Variants in HS6ST3 observed in about 807,000 individuals in gnomAD.
HS6ST3 encodes the protein heparan-sulfate 6-O-sulfotransferase 3.
In HS6ST3, 12 loss-of-function variants were observed where a neutral mutation model predicts 36.7. That is an observed-to-expected ratio of 0.33 (90% confidence interval 0.21 to 0.53). The LOEUF is 0.53. HS6ST3 is among the 20% of genes least tolerant of loss of function. The probability of loss-of-function intolerance (pLI) is 0.95; values close to 1 mark genes in which losing one functional copy is unlikely to be tolerated. For missense variants in HS6ST3, 584 were observed against 640.9 expected (o/e 0.91, Z 0.96); for synonymous variants, 240 against 257.5 (o/e 0.93, Z 0.65).
chr13:96,233,316 A>G (rs908217683), intron 1 of HS6ST3, among the ~76,000 whole-genome samples: 3 of 152,154 alleles, frequency 2.0e-5, no homozygotes, highest in Non-Finnish European at 4.4e-5. Flanking sequence ...AAGTCTTGTC[A>G]TGGCTATGGA....
intron 1 of HS6ST3, among the ~76,000 whole-genome samples, chr13:96,348,952 C>A (rs535538980): frequency 6.6e-6 from 1 of 152,170 alleles, no homozygotes; most frequent in Admixed American, 6.5e-5. Context: ...GTGCAGACAA[C>A]CAATAGGGAA....
chr13:96,248,205 C>T (rs549627896), intron 1 of HS6ST3, among the ~76,000 whole-genome samples: 1 of 152,292 alleles, frequency 6.6e-6, no homozygotes, highest in Non-Finnish European at 1.5e-5. Flanking sequence ...CCTGTACCAA[C>T]AAAAACCTTT....
intron 1 of HS6ST3, among the ~76,000 whole-genome samples, chr13:96,531,159 A>G (rs2056134008): frequency 6.6e-6 from 1 of 152,154 alleles, no homozygotes; most frequent in African/African-American, 2.4e-5. Context: ...TTGTGCTAAT[A>G]ATTCTTCTAA....
chr13:96,670,264 T>C (rs1214329070), intron 1 of HS6ST3, among the ~76,000 whole-genome samples: 2 of 151,810 alleles, frequency 1.3e-5, no homozygotes, highest in African/African-American at 4.8e-5. Flanking sequence ...GAGAGGAGGT[T>C]CTCACTGGCC....
At chr13:96,236,482 C>G (rs77736095) in intron 1 of HS6ST3, among the ~76,000 whole-genome samples, 1,753 of 152,262 alleles carry the variant, frequency 0.012, 36 homozygotes, top group African/African-American at 0.041. Flanking sequence ...CTCTGCCACT[C>G]TCTCTTCACT....
chr13:96,712,237 A>G (rs1478126560), intron 1 of HS6ST3, among the ~76,000 whole-genome samples: 2 of 152,208 alleles, frequency 1.3e-5, no homozygotes, highest in Non-Finnish European at 2.9e-5. Flanking sequence ...GTTGAATCAA[A>G]TGGAGGTGAA....
intron 1 of HS6ST3, among the ~76,000 whole-genome samples, chr13:96,422,177 G>C (rs948527430): frequency 6.6e-6 from 1 of 152,280 alleles, no homozygotes; most frequent in African/African-American, 2.4e-5. Context: ...AGTCTGTCCT[G>C]GCCAGACTGC....
At chr13:96,759,614 A>G (rs1289117131) in intron 1 of HS6ST3, among the ~76,000 whole-genome samples, 1 of 151,920 alleles carries the variant, frequency 6.6e-6, no homozygotes, top group Non-Finnish European at 1.5e-5. Flanking sequence ...TTAAATCTAC[A>G]TATGTTGTTA....
At chr13:96,158,381 G>A (rs1290734422) in intron 1 of HS6ST3, among the ~76,000 whole-genome samples, 1 of 151,780 alleles carries the variant, frequency 6.6e-6, no homozygotes, top group African/African-American at 2.4e-5. Flanking sequence ...AAAGTAGAGG[G>A]AACCCCAAGA....
intron 1 of HS6ST3, among the ~76,000 whole-genome samples, chr13:96,737,803 C>T (rs1384785389): frequency 6.6e-6 from 1 of 152,030 alleles, no homozygotes; most frequent in Non-Finnish European, 1.5e-5. Flanking sequence ...AATTTATTTT[C>T]TTGCCTTTCC....
chr13:96,664,066 C>T (rs1365282100), intron 1 of HS6ST3, among the ~76,000 whole-genome samples: 1 of 152,006 alleles, frequency 6.6e-6, no homozygotes, highest in African/African-American at 2.4e-5. Flanking sequence ...TGGTTGCCAA[C>T]TCTATAAATT....
intron 1 of HS6ST3, among the ~76,000 whole-genome samples, chr13:96,545,738 T>C (rs2056195365): frequency 6.6e-6 from 1 of 152,206 alleles, no homozygotes; most frequent in Non-Finnish European, 1.5e-5. Context: ...TTAGTTTTCA[T>C]CTGTATTCTT....
intron 1 of HS6ST3, among the ~76,000 whole-genome samples, chr13:96,417,442 C>A (rs2139465801): frequency 6.6e-6 from 1 of 152,078 alleles, no homozygotes; most frequent in South Asian, 2.1e-4. Flanking sequence ...GAGAATATGG[C>A]TGTCAATGTA....
At chr13:96,470,214 A>G (rs1266973295) in intron 1 of HS6ST3, among the ~76,000 whole-genome samples, 3 of 152,142 alleles carry the variant, frequency 2.0e-5, no homozygotes, top group Non-Finnish European at 4.4e-5. Flanking sequence ...ACTTTGAAAT[A>G]TGAATCTATT....
intron 1 of HS6ST3, among the ~76,000 whole-genome samples, chr13:96,723,332 C>T (rs1229237330): frequency 6.6e-6 from 1 of 152,072 alleles, no homozygotes; most frequent in Non-Finnish European, 1.5e-5. Context: ...CCAGCAGAAA[C>T]CCCTGGACTG....
At chr13:96,553,553 G>C (rs1441351742) in intron 1 of HS6ST3, among the ~76,000 whole-genome samples, 4 of 152,136 alleles carry the variant, frequency 2.6e-5, no homozygotes. Flanking sequence ...ATAGAGCAAG[G>C]GATAAGGCTG....
intron 1 of HS6ST3, among the ~76,000 whole-genome samples, chr13:96,446,869 C>T (rs900693354): frequency 1.3e-5 from 2 of 152,148 alleles, no homozygotes; most frequent in Non-Finnish European, 2.9e-5. Flanking sequence ...CTCCTGAGTT[C>T]CTTAGGTCAT....
intron 1 of HS6ST3, among the ~76,000 whole-genome samples, chr13:96,624,283 C>A (rs908263884): frequency 6.6e-6 from 1 of 152,114 alleles, no homozygotes; most frequent in African/African-American, 2.4e-5. Context: ...ATTTTTACTT[C>A]CTTCAAAGGT....
chr13:96,190,345 C>T (rs983462388), intron 1 of HS6ST3, among the ~76,000 whole-genome samples: 3 of 152,168 alleles, frequency 2.0e-5, no homozygotes, highest in African/African-American at 4.8e-5. Context: ...AACCCATTCT[C>T]GGGCACAGAC....
Sources: gnomAD v4.1 joint callset for allele counts (sites outside exome capture counted in the v4.1 genomes callset) on GRCh38, gnomAD v4.1.1 for gene constraint, MANE v1.5 for transcripts, NCBI Gene and HGNC (gene_info 2026-07-23, HGNC 2026-07-21) for gene names.